TSNARE1: variants seen among roughly 807,000 people sequenced by gnomAD.
TSNARE1 encodes the protein t-SNARE domain-containing protein 1.
In TSNARE1, 49 loss-of-function variants were observed where a neutral mutation model predicts 62.0. The ratio of observed to expected loss-of-function variants is 0.79; its 90% CI spans 0.63 to 1.00. The LOEUF is 1.00. Ranked by LOEUF, TSNARE1 falls within the 50% of genes least tolerant of loss-of-function variation. The pLI, the probability that TSNARE1 is intolerant of heterozygous loss-of-function variation, is 0.00. For synonymous variants in TSNARE1, 328 were observed against 294.4 expected (o/e 1.11, Z -1.17); for missense variants, 755 against 700.1 (o/e 1.08, Z -0.88).
chr8:142,271,269 T>G, intron 12 of TSNARE1: 1 of 1,043,228 alleles, frequency 9.6e-7, no homozygotes, highest in South Asian at 4.5e-5. Flanking sequence ...CTCTCGAGGG[T>G]CCGGTTGAGG....
At chr8:142,308,439 C>G (rs1256952204) in intron 9 of TSNARE1, among the ~76,000 whole-genome samples, 3 of 152,146 alleles carry the variant, frequency 2.0e-5, no homozygotes, top group Non-Finnish European at 4.4e-5. Context: ...TCCGAGTGAT[C>G]CGTATCAAGC....
intron 13 of TSNARE1, among the ~76,000 whole-genome samples, chr8:142,226,450 G>C (rs561028752): frequency 6.6e-6 from 1 of 152,160 alleles, no homozygotes; most frequent in African/African-American, 2.4e-5. Flanking sequence ...TCCTGCTTGC[G>C]TCTGCCCCTA....
chr8:142,346,667 C>T (rs1833407704), intron 2 of TSNARE1, among the ~76,000 whole-genome samples: 1 of 152,256 alleles, frequency 6.6e-6, no homozygotes, highest in Admixed American at 6.5e-5. Context: ...GGGACGTGTC[C>T]TGGTAGGTCA....
At chr8:142,284,645 G>T (rs1211348933) in intron 10 of TSNARE1, among the ~76,000 whole-genome samples, 160 bp from the exon 11 acceptor site, 1 of 152,168 alleles carries the variant, frequency 6.6e-6, no homozygotes, top group African/African-American at 2.4e-5. Flanking sequence ...CACTTCCTGT[G>T]ACAGAAGGCA....
intron 11 of TSNARE1, among the ~76,000 whole-genome samples, chr8:142,283,443 GCAGAGGCAGGGACAGTGTCAATGAA>G (rs1166835046): frequency 1.4e-5 from 2 of 143,048 alleles, no homozygotes; most frequent in Non-Finnish European, 3.0e-5. Flanking sequence ...CTGTCAACGA[GCAGAGGCAGGGACAGTGTCAATGAA>G]CAGAGGCGGG....
chr8:142,397,374 C>G (rs143841095), intron 1 of TSNARE1, among the ~76,000 whole-genome samples: 8 of 152,202 alleles, frequency 5.3e-5, no homozygotes, highest in Non-Finnish European at 1.0e-4. Flanking sequence ...CCAAGACGCC[C>G]GGAGATTCCA....
chr8:142,243,040 A>G (rs917159990), intron 12 of TSNARE1, among the ~76,000 whole-genome samples: 1 of 152,058 alleles, frequency 6.6e-6, no homozygotes, highest in African/African-American at 2.4e-5. Context: ...AACCAAAATG[A>G]AGTATCGCCT....
At chr8:142,272,919 G>A (rs1819842963) in intron 12 of TSNARE1, 14 of 985,424 alleles carry the variant, frequency 1.4e-5, no homozygotes, top group Non-Finnish European at 1.7e-5. Context: ...GTGGGAGCAG[G>A]ACATTCTATG....
intron 11 of TSNARE1, chr8:142,275,849 G>T: frequency 1.1e-6 from 1 of 944,434 alleles, no homozygotes; most frequent in Non-Finnish European, 1.2e-6. Flanking sequence ...GCCAGGCACA[G>T]CCTGGCACGA....
chr8:142,261,441 G>A (rs1818883888), intron 12 of TSNARE1, among the ~76,000 whole-genome samples: 1 of 151,006 alleles, frequency 6.6e-6, no homozygotes, highest in Non-Finnish European at 1.5e-5. Flanking sequence ...GAGAGAGGGA[G>A]GACCGGGGAG....
intron 12 of TSNARE1, among the ~76,000 whole-genome samples, chr8:142,230,385 A>G (rs982792481): frequency 1.3e-5 from 2 of 152,228 alleles, no homozygotes; most frequent in African/African-American, 4.8e-5. Context: ...AGTCCTGCAA[A>G]TTATGAAGGA....
intron 11 of TSNARE1, chr8:142,278,502 G>T: frequency 6.1e-6 from 6 of 985,454 alleles, no homozygotes; most frequent in Non-Finnish European, 7.2e-6. Context: ...TGCTTCGAAG[G>T]GTGTGCCACC....
chr8:142,253,765 G>T (rs1036225446), intron 12 of TSNARE1, among the ~76,000 whole-genome samples: 3 of 152,240 alleles, frequency 2.0e-5, no homozygotes, highest in Non-Finnish European at 2.9e-5. Context: ...GGACCCTGCG[G>T]CTGGTCAGTG....
At chr8:142,249,672 C>A (rs903349671) in intron 12 of TSNARE1, among the ~76,000 whole-genome samples, 2 of 152,110 alleles carry the variant, frequency 1.3e-5, no homozygotes, top group Non-Finnish European at 2.9e-5. Flanking sequence ...GCAGGCCGTC[C>A]GCGTCAGGAC....
intron 11 of TSNARE1, among the ~76,000 whole-genome samples, chr8:142,280,956 C>T (rs1821339288): frequency 6.6e-6 from 1 of 152,200 alleles, no homozygotes; most frequent in Non-Finnish European, 1.5e-5. Flanking sequence ...GCCGGCCTGG[C>T]CCAGCCCCGC....
intron 12 of TSNARE1, among the ~76,000 whole-genome samples, chr8:142,244,848 G>A (rs1817819887): frequency 6.6e-6 from 1 of 152,246 alleles, no homozygotes; most frequent in Non-Finnish European, 1.5e-5. Flanking sequence ...GGGCAGACCG[G>A]CAAGGGGCCT....
Position 142,314,459 on chromosome 8 carries a change from G to C in TSNARE1, c.1075-19C>G, listed in dbSNP as rs1828194164. Reference sequence around the variant, plus strand: ...CAATTTTCTGTTGAAAAAAGGACAAGAGAAGAAAGACAGGAAGAGCAAAAA... The same window carrying C: ...CAATTTTCTGTTGAAAAAAGGACAACAGAAGAAAGACAGGAAGAGCAAAAA... On this transcript the variant is annotated intron_variant, in intron 8 of 13. Transcript: ENST00000524325. The C allele has an allele frequency of 6.2e-7, 1 of 1,612,518 alleles. No individual in the cohort carries two copies. Among genetic ancestry groups the C allele is most frequent in the Non-Finnish European group, 8.5e-7 (1 of 1,178,934 alleles).
intron 1 of TSNARE1, among the ~76,000 whole-genome samples, chr8:142,383,990 G>C (rs1054224279): frequency 4.6e-5 from 7 of 152,206 alleles, no homozygotes; most frequent in Non-Finnish European, 8.8e-5. Flanking sequence ...GAGTGAAGCA[G>C]CACTGGCGGT....
At chr8:142,372,820 G>A (rs1261431583) in intron 1 of TSNARE1, among the ~76,000 whole-genome samples, 1 of 149,888 alleles carries the variant, frequency 6.7e-6, no homozygotes, top group Non-Finnish European at 1.5e-5. Context: ...CCCCACCAGT[G>A]TTGTTTCCTT....
Sources: gnomAD v4.1 joint callset for allele counts (sites outside exome capture counted in the v4.1 genomes callset) on GRCh38, gnomAD v4.1.1 for gene constraint, MANE v1.5 for transcripts, NCBI Gene and HGNC (gene_info 2026-07-23, HGNC 2026-07-21) for gene names.